Variants in PITPNC1 observed in about 807,000 individuals in gnomAD.
PITPNC1 encodes cytoplasmic phosphatidylinositol transfer protein 1.
A neutral mutation model predicts 44.7 loss-of-function variants in PITPNC1; 18 were observed. The ratio of observed to expected loss-of-function variants is 0.40; its 90% CI spans 0.28 to 0.60. The LOEUF (loss-of-function observed/expected upper bound fraction) is 0.60. Ranked by LOEUF, PITPNC1 falls within the 20% of genes least tolerant of loss-of-function variation. PITPNC1 has a pLI of 0.39. For missense variants in PITPNC1, 290 were observed against 418.4 expected, an observed-to-expected ratio of 0.69 and a Z score of 2.68; for synonymous variants, 141 against 149.6, an observed-to-expected ratio of 0.94 and a Z score of 0.42.
In PITPNC1 at chr17:67,609,250, G is replaced by C. The variant is rs536034070; in HGVS notation, c.367-22893G>C. Among the ~76,000 whole-genome samples the C allele has an allele frequency of 8.6e-5, 13 of 150,862 alleles. No individual in the cohort carries two copies. The South Asian group carries it at 2.7e-3, about 32-fold the overall frequency. On this transcript the variant is annotated intron_variant, in intron 5 of 8. Transcript: ENST00000581322. ...GTTCATCACAGAGCTGGTGTCGGAG[G>C]CCTGGTGGGAGAGTTGGTCATGTTC...
intron 1 of PITPNC1, among the ~76,000 whole-genome samples, chr17:67,465,028 C>A (rs114244776): frequency 0.019 from 2,865 of 152,320 alleles, 76 homozygotes; most frequent in African/African-American, 0.059. Flanking sequence ...CGTGAGCCAC[C>A]ACACCCGGCC....
rs182451712 is a variant in PITPNC1, at chr17:67,526,709, C to T, written c.49-6093C>T. Among the ~76,000 whole-genome samples the T allele has an allele frequency of 4.9e-3, 738 of 149,678 alleles. 2 individuals carry two copies. The highest frequency in any genetic ancestry group is 7.3e-3 in the Non-Finnish European group (497 of 67,654). ...ATTGCACCATTGCACTCCACCTGGG[C>T]GACAGAGAGCGAGACTCCATCTCAA... On this transcript the variant is annotated intron_variant, in intron 1 of 8. Coordinates refer to ENST00000581322, the MANE Select transcript of PITPNC1 (RefSeq NM_012417.4).
intron 5 of PITPNC1, among the ~76,000 whole-genome samples, chr17:67,595,984 A>G (rs559060318): frequency 1.3e-5 from 2 of 152,338 alleles, no homozygotes; most frequent in East Asian, 3.9e-4. Context: ...GCAAAATGCC[A>G]TCATGGAAGA....
At chr17:67,449,923 C>T (rs2039152705) in intron 1 of PITPNC1, among the ~76,000 whole-genome samples, 1 of 152,196 alleles carries the variant, frequency 6.6e-6, no homozygotes, top group African/African-American at 2.4e-5. Flanking sequence ...CTCTTGGCCT[C>T]AAGCGATCCT....
Position 67,669,655 on chromosome 17 carries a change from G to A in PITPNC1, c.610G>A (p.Val204Ile). Reference protein sequence around the residue: ...WGLQTRVEQFVHKVVRDILLI... With the variant: ...WGLQTRVEQFIHKVVRDILLI... ...GCTTCAGACCAGAGTGGAACAATTT[G>A]TACACAAGGTAAGTGGTCCAACAGC... The change falls in exon 7 of 9, where the codon GTA becomes ATA. Residue 204 changes from valine (V) to isoleucine (I), a missense_variant. Val to Ile is a conservative substitution (Grantham distance 29, BLOSUM62 3). Transcript: ENST00000581322. 1 of 1,591,954 alleles carries A rather than the reference G, an allele frequency of 6.3e-7. No homozygotes were observed. Among genetic ancestry groups the A allele is most frequent in the South Asian group, 1.1e-5 (1 of 87,568 alleles).
At chr17:67,386,419 C>T (rs1471849457) in intron 1 of PITPNC1, among the ~76,000 whole-genome samples, 1 of 152,142 alleles carries the variant, frequency 6.6e-6, no homozygotes, top group Non-Finnish European at 1.5e-5. Context: ...TCTCGAACTC[C>T]TGACCTCAGG....
intron 6 of PITPNC1, among the ~76,000 whole-genome samples, chr17:67,655,328 A>G (rs1259415150): frequency 6.6e-6 from 1 of 151,624 alleles, no homozygotes; most frequent in African/African-American, 2.4e-5. Flanking sequence ...GGAGGCCAAG[A>G]TGAGCGGATC....
At position 67,626,261 on chromosome 17, in the gene PITPNC1, C is replaced by T. The variant is rs887250454; in HGVS notation, c.367-5882C>T. The stretch of plus-strand genomic sequence containing the variant: ...TTGACCTCCCAAAGTGCTGGGATTA[C>T]AGGGATGAGCCGCTGTTCCCAGTTA... On this transcript the variant is annotated intron_variant, in intron 5 of 8. Coordinates refer to ENST00000581322, the MANE Select transcript of PITPNC1 (RefSeq NM_012417.4). Among the ~76,000 whole-genome samples the T allele has an allele frequency of 5.3e-5, 8 of 152,154 alleles. 1 individual carries two copies. The highest frequency in any genetic ancestry group is 5.2e-4 in the Admixed American group (8 of 15,274).
intron 5 of PITPNC1, among the ~76,000 whole-genome samples, chr17:67,578,714 G>A (rs371211395): frequency 1.1e-4 from 17 of 152,358 alleles, no homozygotes; most frequent in African/African-American, 4.1e-4. Context: ...TGGTGCAGTG[G>A]CTCACGCCTG....
intron 6 of PITPNC1, among the ~76,000 whole-genome samples, chr17:67,660,771 C>G (rs1419712190): frequency 6.6e-6 from 1 of 151,734 alleles, no homozygotes; most frequent in Admixed American, 6.6e-5. Flanking sequence ...GTCTCGAACT[C>G]CTGGCCTCAA....
intron 8 of PITPNC1, among the ~76,000 whole-genome samples, chr17:67,677,404 G>A (rs926970032): frequency 6.6e-6 from 1 of 151,990 alleles, no homozygotes; most frequent in Non-Finnish European, 1.5e-5. Flanking sequence ...AAGAATAGCC[G>A]GGCTCTGATC....
chr17:67,650,903 C>T (rs2042202540), intron 6 of PITPNC1, among the ~76,000 whole-genome samples: 1 of 152,164 alleles, frequency 6.6e-6, no homozygotes, highest in Admixed American at 6.6e-5. Flanking sequence ...GCCACAGCTG[C>T]CTTTCAGTGC....
chr17:67,481,577 G>A (rs1327490756), intron 1 of PITPNC1, among the ~76,000 whole-genome samples: 1 of 152,066 alleles, frequency 6.6e-6, no homozygotes, highest in Admixed American at 6.6e-5. Flanking sequence ...GGGCTCAAGC[G>A]ATTCCCCCAC....
At chr17:67,410,868 A>G (rs546954531) in intron 1 of PITPNC1, among the ~76,000 whole-genome samples, 38 of 151,922 alleles carry the variant, frequency 2.5e-4, no homozygotes, top group African/African-American at 9.2e-4. Context: ...GTGGATCACA[A>G]GGTCAGGAGT....
chr17:67,650,737 C>T (rs774567974), intron 6 of PITPNC1, among the ~76,000 whole-genome samples: 10 of 152,098 alleles, frequency 6.6e-5, no homozygotes, highest in Non-Finnish European at 1.5e-4. Flanking sequence ...AGGTGTGAGC[C>T]ACGGCGCCTG....
intron 6 of PITPNC1, among the ~76,000 whole-genome samples, chr17:67,657,352 A>G (rs760149198): frequency 1.4e-4 from 22 of 152,192 alleles, no homozygotes; most frequent in Non-Finnish European, 2.8e-4. Flanking sequence ...CAACAGCTGT[A>G]GATATGACAC....
chr17:67,622,935 C>T (rs1848597436), intron 5 of PITPNC1, among the ~76,000 whole-genome samples: 1 of 151,896 alleles, frequency 6.6e-6, no homozygotes, highest in South Asian at 2.1e-4. Flanking sequence ...AAAGTATTAA[C>T]TAGCAGCCAG....
intron 1 of PITPNC1, among the ~76,000 whole-genome samples, chr17:67,455,985 T>A (rs1464157431): frequency 6.6e-6 from 1 of 152,230 alleles, no homozygotes; most frequent in Non-Finnish European, 1.5e-5. Flanking sequence ...AGCAGAAAGA[T>A]TAAATCGGTG....
intron 6 of PITPNC1, among the ~76,000 whole-genome samples, chr17:67,656,523 A>G (rs1470451338): frequency 1.3e-5 from 2 of 152,180 alleles, no homozygotes; most frequent in African/African-American, 4.8e-5. Flanking sequence ...ACGTTCATAG[A>G]TAGATACTAG....
Sources: gnomAD v4.1 joint callset for allele counts (sites outside exome capture counted in the v4.1 genomes callset) on GRCh38, gnomAD v4.1.1 for gene constraint, MANE v1.5 for transcripts, NCBI Gene and HGNC (gene_info 2026-07-23, HGNC 2026-07-21) for gene names.